The following MDFIC2 variants were observed in gnomAD, a reference collection of about 807,000 sequenced individuals.
MDFIC2 encodes the protein MyoD family inhibitor domain containing 2.
chr3:70,260,016 A>G (rs768235737), intron 2 of MDFIC2, among the ~76,000 whole-genome samples: 1 of 152,178 alleles, frequency 6.6e-6, no homozygotes, highest in Admixed American at 6.5e-5. Context: ...AATTACCTCT[A>G]TCTGATCTCT....
At position 70,197,104 on chromosome 3, in the gene MDFIC2, G is replaced by C. The variant is rs1336998682; in HGVS notation, c.392C>G (p.Thr131Arg). Residue 131 changes from threonine to arginine, a missense_variant, in exon 4 of 4, where the codon ACG (threonine) becomes AGG (arginine). Coordinates refer to ENST00000567252, the MANE Select transcript of MDFIC2 (RefSeq NM_001364677.1). ...CLLMLPGTCE[T>R]VCTKMCCPSR... ...GGGGCAGCACATTTTGGTACACACC[G>C]TTTCGCAGGTGCCGGGGAGCATCAG... 2 of 398,558 alleles carry C rather than the reference G, an allele frequency of 5.0e-6. No homozygotes were observed. Among genetic ancestry groups the C allele is most frequent in the East Asian group, 7.1e-5 (2 of 28,050 alleles). 24.7% of individuals were successfully genotyped at this position (398,558 alleles called of 1,614,324 possible).
At chr3:70,284,886 C>T (rs2106685722) in intron 2 of MDFIC2, among the ~76,000 whole-genome samples, 1 of 152,186 alleles carries the variant, frequency 6.6e-6, no homozygotes, top group Non-Finnish European at 1.5e-5. Context: ...ACATGTACCC[C>T]TGAACTGAAA....
At chr3:70,216,893 A>G (rs185900137) in intron 2 of MDFIC2, among the ~76,000 whole-genome samples, 42 of 152,246 alleles carry the variant, frequency 2.8e-4, no homozygotes, top group Non-Finnish European at 5.4e-4. Flanking sequence ...ATGCTGCTGA[A>G]CAACCTATTA....
chr3:70,260,917 G>C (rs1416000521), intron 2 of MDFIC2, among the ~76,000 whole-genome samples: 1 of 152,058 alleles, frequency 6.6e-6, no homozygotes, highest in African/African-American at 2.4e-5. Flanking sequence ...TATACTTCTA[G>C]CTGATGGAGA....
chr3:70,294,513 GA>G (rs1702271538), intron 2 of MDFIC2, among the ~76,000 whole-genome samples: 1 of 151,898 alleles, frequency 6.6e-6, no homozygotes, highest in South Asian at 2.1e-4. Flanking sequence ...TGACTATGAG[GA>G]AAAAAGTAAA....
intron 2 of MDFIC2, among the ~76,000 whole-genome samples, chr3:70,245,051 C>T (rs1022939686): frequency 5.9e-5 from 9 of 152,030 alleles, no homozygotes; most frequent in African/African-American, 2.2e-4. Context: ...GAATTGCAAT[C>T]AGGGATTTAC....
intron 2 of MDFIC2, chr3:70,272,147 G>A (rs1267763148): frequency 1.3e-5 from 2 of 152,142 alleles, no homozygotes; most frequent in African/African-American, 4.8e-5. Context: ...TTTGTCCGAA[G>A]TATATGTAAT....
intron 2 of MDFIC2, among the ~76,000 whole-genome samples, chr3:70,282,586 C>T (rs1702099114): frequency 6.6e-6 from 1 of 152,150 alleles, no homozygotes; most frequent in Non-Finnish European, 1.5e-5. Context: ...AGGAACTTTG[C>T]ACTTGCTATT....
chr3:70,274,772 A>G (rs555393572), intron 2 of MDFIC2, among the ~76,000 whole-genome samples: 2 of 152,338 alleles, frequency 1.3e-5, no homozygotes, highest in South Asian at 4.1e-4. Flanking sequence ...ATATAAAAAT[A>G]TTTTAAAAAG....
intron 2 of MDFIC2, among the ~76,000 whole-genome samples, chr3:70,222,240 T>G (rs973841259): frequency 6.6e-6 from 1 of 152,138 alleles, no homozygotes; most frequent in Non-Finnish European, 1.5e-5. Context: ...TTGGGTAAAA[T>G]TCATACTTGC....
rs143253448 is a variant in MDFIC2 at position 70,260,481 on chromosome 3, G to T, written c.88+51405C>A. ...TTTTTACATCCCCTCAGTTCAACTC[G>T]TAACAGCCCCATTCCCTATCATCTT... On this transcript the variant is annotated intron_variant, in intron 2 of 3. Coordinates refer to ENST00000567252, the MANE Select transcript of MDFIC2 (RefSeq NM_001364677.1). Among the ~76,000 whole-genome samples the T allele has an allele frequency of 2.0e-5, 3 of 152,078 alleles. No homozygotes were observed. The East Asian group carries it at 5.8e-4, about 29-fold the overall frequency.
At chr3:70,296,623 G>C (rs1702291848) in intron 2 of MDFIC2, among the ~76,000 whole-genome samples, 1 of 152,130 alleles carries the variant, frequency 6.6e-6, no homozygotes, top group Non-Finnish European at 1.5e-5. Flanking sequence ...CTTGGACCTT[G>C]TCCTTGATGT....
At chr3:70,291,833 G>A (rs1702242351) in intron 2 of MDFIC2, 1 of 152,172 alleles carries the variant, frequency 6.6e-6, no homozygotes, top group African/African-American at 2.4e-5. Context: ...CTTTCAAGAT[G>A]TGCTGTCTGG....
At chr3:70,224,683 G>A (rs981403277) in intron 2 of MDFIC2, among the ~76,000 whole-genome samples, 2 of 152,032 alleles carry the variant, frequency 1.3e-5, no homozygotes, top group African/African-American at 2.4e-5. Flanking sequence ...TCTGAGACCC[G>A]TGGAGTTAAA....
chr3:70,305,515 A>G (rs1702392036), intron 2 of MDFIC2, among the ~76,000 whole-genome samples: 1 of 152,188 alleles, frequency 6.6e-6, no homozygotes, highest in African/African-American at 2.4e-5. Context: ...ATTAGATTGG[A>G]TTAATATTTA....
At chr3:70,255,349 A>G (rs1701806036) in intron 2 of MDFIC2, among the ~76,000 whole-genome samples, 1 of 152,248 alleles carries the variant, frequency 6.6e-6, no homozygotes. Context: ...GGACCAAAGA[A>G]GAGGCTTGGC....
chr3:70,217,954 G>A (rs1430702367), intron 2 of MDFIC2, among the ~76,000 whole-genome samples: 1 of 152,206 alleles, frequency 6.6e-6, no homozygotes, highest in East Asian at 1.9e-4. Flanking sequence ...CAGAGGCCTT[G>A]GAGAGGCCAG....
chr3:70,211,265 C>G (rs1406873642), intron 2 of MDFIC2, among the ~76,000 whole-genome samples: 1 of 149,106 alleles, frequency 6.7e-6, no homozygotes, highest in Non-Finnish European at 1.5e-5. Context: ...GCTTTTCTTT[C>G]TCCATTCCCT....
chr3:70,260,288 C>G (rs1701853266), intron 2 of MDFIC2, among the ~76,000 whole-genome samples: 1 of 152,134 alleles, frequency 6.6e-6, no homozygotes, highest in African/African-American at 2.4e-5. Context: ...CTGTGTGTGT[C>G]TGTGTCTTCC....
Sources: allele counts gnomAD v4.1 joint callset (sites outside exome capture counted in the v4.1 genomes callset), GRCh38; gene constraint gnomAD v4.1.1; transcripts MANE v1.5; gene names NCBI Gene and HGNC (gene_info 2026-07-23, HGNC 2026-07-21).